Variants in STOX2 observed in about 807,000 individuals in gnomAD.
STOX2 encodes storkhead-box protein 2.
A neutral mutation model predicts 60.9 loss-of-function variants in STOX2; 28 were observed. The observed-to-expected ratio is 0.46, with a 90% CI of 0.34 to 0.63. The LOEUF is 0.63. Ranked by LOEUF, STOX2 falls within the 30% of genes least tolerant of loss-of-function variation. The pLI is 0.01. For synonymous variants in STOX2, 472 were observed against 463.9 expected, an observed-to-expected ratio of 1.02 and a Z score of -0.22; for missense variants, 1,024 against 1,187.7, an observed-to-expected ratio of 0.86 and a Z score of 2.03.
chr4:183,950,938 G>A (rs985881850), intron 1 of STOX2, among the ~76,000 whole-genome samples: 8 of 152,124 alleles, frequency 5.3e-5, no homozygotes, highest in African/African-American at 1.9e-4. Flanking sequence ...TAGTGCGGCC[G>A]GGCGCGGTGG....
intron 1 of STOX2, among the ~76,000 whole-genome samples, chr4:183,955,377 TA>T (rs576952298): frequency 6.6e-6 from 1 of 152,356 alleles, no homozygotes; most frequent in Non-Finnish European, 1.5e-5. Context: ...GCATAGATTT[TA>T]AAAAATAGCC....
intron 1 of STOX2, among the ~76,000 whole-genome samples, chr4:183,990,853 A>G (rs1733078607): frequency 6.6e-6 from 1 of 152,060 alleles, no homozygotes; most frequent in African/African-American, 2.4e-5. Flanking sequence ...ATATTGGACA[A>G]GCCATCCTTA....
chr4:183,928,489 G>A (rs1000375552), intron 1 of STOX2, among the ~76,000 whole-genome samples: 5 of 152,236 alleles, frequency 3.3e-5, no homozygotes, highest in African/African-American at 1.2e-4. Context: ...ACAGAGGAGA[G>A]CCTTGGTGTT....
chr4:183,853,203 T>C (rs78099413), intron 1 of STOX2, among the ~76,000 whole-genome samples: 1,638 of 152,308 alleles, frequency 0.011, 26 homozygotes, highest in African/African-American at 0.033. Flanking sequence ...ACAGGTGGCT[T>C]AAGGTCCTGG....
At chr4:183,894,293 A>G (rs535718424) in intron 1 of STOX2, among the ~76,000 whole-genome samples, 15 of 152,382 alleles carry the variant, frequency 9.8e-5, no homozygotes, top group African/African-American at 3.6e-4. Context: ...AACATATGGT[A>G]TGAAAAATAA....
chr4:183,863,275 C>T (rs921566436), intron 1 of STOX2, among the ~76,000 whole-genome samples: 2 of 152,184 alleles, frequency 1.3e-5, no homozygotes, highest in African/African-American at 4.8e-5. Context: ...GCCCCCCACA[C>T]CAGGCCATAG....
intron 1 of STOX2, among the ~76,000 whole-genome samples, chr4:183,840,413 G>A (rs1739829542): frequency 6.6e-6 from 1 of 152,144 alleles, no homozygotes; most frequent in Admixed American, 6.5e-5. Flanking sequence ...TTAGGTGGTT[G>A]GCCACCAGGG....
chr4:183,976,469 G>C (rs868178690), intron 1 of STOX2, among the ~76,000 whole-genome samples: 2 of 148,762 alleles, frequency 1.3e-5, no homozygotes, highest in South Asian at 4.4e-4. Flanking sequence ...ATCTATGTAG[G>C]ATTAAAAGGA....
At chr4:184,013,402 G>C (rs1734239891) in intron 3 of STOX2, among the ~76,000 whole-genome samples, 1 of 152,186 alleles carries the variant, frequency 6.6e-6, no homozygotes, top group Non-Finnish European at 1.5e-5. Flanking sequence ...TGTGCTTAAA[G>C]TTAAGTGTTT....
intron 1 of STOX2, among the ~76,000 whole-genome samples, chr4:183,830,526 A>G (rs61154208): frequency 0.085 from 13,004 of 152,108 alleles, 1,808 homozygotes; most frequent in African/African-American, 0.3. Flanking sequence ...CTTTGACCTT[A>G]GCCATGACCC....
In STOX2 at chr4:183,906,615, G is replaced by C. The variant is rs887341933; in HGVS notation, c.-176G>C. The C allele has an allele frequency of 1.6e-6, 1 of 614,678 alleles. No individual in the cohort carries two copies. Among genetic ancestry groups the C allele is most frequent in the Non-Finnish European group, 2.8e-6 (1 of 363,626 alleles). The allele number at this position is 614,678 out of a possible 1,614,324, so 38.1% of individuals were successfully genotyped here. A position where few individuals can be genotyped will look rare whatever the true frequency, so the allele number is the denominator to read the frequency against. On this transcript the variant is annotated 5_prime_UTR_variant, in exon 1 of 4. Transcript: ENST00000308497. ...ATCGGAGCCTTCGCCGTGGGGGTGT[G>C]GGGGGGCGTGGGGAGGGCCGGACCC...
intron 1 of STOX2, among the ~76,000 whole-genome samples, chr4:183,967,311 A>C (rs1579481608): frequency 1.3e-5 from 2 of 151,408 alleles, no homozygotes; most frequent in Middle Eastern, 3.4e-3. Context: ...GGTTGCAGTG[A>C]GCCGAGATTG....
chr4:183,959,780 A>G (rs1054020252), intron 1 of STOX2, among the ~76,000 whole-genome samples: 1 of 152,238 alleles, frequency 6.6e-6, no homozygotes, highest in Non-Finnish European at 1.5e-5. Flanking sequence ...CAGAACAGGA[A>G]GAACATCTTC....
rs28377079 is a variant in STOX2 at position 183,857,297 on chromosome 4, T to C, written c.364+59242T>C. Among the ~76,000 whole-genome samples, 475 of 93,346 alleles carry C rather than the reference T, an allele frequency of 5.1e-3. 2 individuals are homozygous for C. Among genetic ancestry groups the C allele is most frequent in the African/African-American group, 0.016 (429 of 26,476 alleles). The allele number at this position is 93,346 out of a possible 152,430, so 61.2% of individuals were successfully genotyped here. A position where few individuals can be genotyped will look rare whatever the true frequency, so the allele number is the denominator to read the frequency against. ...CTGGTCATCTTGCAGGACTGGTCAT[T>C]CCACAGGACTGGTTATCCTGCAGTA... On this transcript the variant is annotated intron_variant, in intron 1 of 2. Coordinates refer to the STOX2 transcript ENST00000513034.
intron 1 of STOX2, among the ~76,000 whole-genome samples, chr4:183,860,833 G>A (rs1443460815): frequency 6.6e-6 from 1 of 152,208 alleles, no homozygotes; most frequent in African/African-American, 2.4e-5. Flanking sequence ...ACACACGGAA[G>A]GAAAAGCAAA....
intron 3 of STOX2, chr4:184,014,620 A>G (rs1734294276): frequency 6.6e-6 from 1 of 151,990 alleles, no homozygotes; most frequent in Non-Finnish European, 1.5e-5. Flanking sequence ...TTTGAGGAAT[A>G]TTTTTACTGC....
chr4:183,932,470 T>C (rs1232686806), intron 1 of STOX2, among the ~76,000 whole-genome samples: 1 of 106,368 alleles, frequency 9.4e-6, no homozygotes, highest in Non-Finnish European at 1.8e-5. Flanking sequence ...ACAGTATATG[T>C]ATGTATACAT....
chr4:183,922,677 G>A (rs1051674990), intron 1 of STOX2, among the ~76,000 whole-genome samples: 1 of 152,172 alleles, frequency 6.6e-6, no homozygotes, highest in Non-Finnish European at 1.5e-5. Context: ...TAAGGGTACA[G>A]TTCAGTGGTA....
chr4:184,009,520 C>T lies in STOX2; in HGVS notation c.682C>T (p.Pro228Ser), dbSNP rs769773101. ...SAKDCKDPYC[P>S]PSLCQVPPTE... ...CAAGGACTGCAAAGACCCTTACTGT[C>T]CCCCTTCTCTGTGCCAGGTGCCACC... is the stretch of plus-strand genomic sequence containing the variant. Residue 228 changes from proline to serine, a missense_variant, in exon 3 of 4, where the codon CCC (proline) becomes TCC (serine). This residue lies in a region of STOX2 where 922 missense variants were observed against 1,058.3 expected (regional missense o/e 0.87). Transcript: ENST00000308497. This position sits in a 1 kb window ranked among gnomAD's most constrained non-coding sequence, Gnocchi z 4.0. 1.2e-6 allele frequency: 2 copies of T among 1,614,020 alleles called. No individual in the cohort carries two copies. Among genetic ancestry groups the T allele is most frequent in the Admixed American group, 1.7e-5 (1 of 60,026 alleles).
Sources: gnomAD v4.1 joint callset for allele counts (sites outside exome capture counted in the v4.1 genomes callset) on GRCh38, gnomAD v4.1.1 for gene constraint, gnomAD v4.1.1 regional missense constraint, Gnocchi (gnomAD v3.1) non-coding constraint, MANE v1.5 for transcripts, NCBI Gene and HGNC (gene_info 2026-07-23, HGNC 2026-07-21) for gene names.